TUSC3: variants seen among roughly 807,000 people sequenced by gnomAD.
The protein encoded by TUSC3 is tumor suppressor candidate 3.
TUSC3 carries 45 observed loss-of-function variants against 44.8 expected under a neutral mutation model. The ratio of observed to expected loss-of-function variants is 1.00; its 90% CI spans 0.79 to 1.29. TUSC3 has a LOEUF of 1.29. TUSC3 is among the 50% of genes most tolerant of loss of function. The pLI is 0.00. For synonymous variants in TUSC3, 212 were observed against 152.9 expected (o/e 1.39, Z -2.85); for missense variants, 519 against 437.9 (o/e 1.19, Z -1.65).
intron 1 of TUSC3, among the ~76,000 whole-genome samples, chr8:15,584,702 T>G: frequency 6.7e-6 from 1 of 150,106 alleles, no homozygotes; most frequent in Non-Finnish European, 1.5e-5. Flanking sequence ...TGTGTATGGG[T>G]GGGGGTGGTG....
At chr8:15,789,049 T>C in the TUSC3 span, among the ~76,000 whole-genome samples, 15,293 of 152,268 alleles carry the variant, frequency 0.1, 1,109 homozygotes, top group African/African-American at 0.2. Flanking sequence ...TTAAAAGCTC[T>C]TGCCATTTCA....
At chr8:15,787,874 T>C in the TUSC3 span, among the ~76,000 whole-genome samples, 1 of 152,332 alleles carries the variant, frequency 6.6e-6, no homozygotes, top group South Asian at 2.1e-4. Flanking sequence ...ACAAGCCCAG[T>C]ATTTATTAAG....
At chr8:15,478,655 C>T (rs1449776387) in intron 1 of TUSC3, among the ~76,000 whole-genome samples, 1 of 152,128 alleles carries the variant, frequency 6.6e-6, no homozygotes, top group Non-Finnish European at 1.5e-5. Context: ...TATATCCCTA[C>T]CACATTTTCT....
chr8:15,421,933 A>G (rs1563246640), intron 1 of TUSC3, among the ~76,000 whole-genome samples: 1 of 152,162 alleles, frequency 6.6e-6, no homozygotes, highest in Non-Finnish European at 1.5e-5. Context: ...TTTCTTTTAA[A>G]AAATCACTGC....
At position 15,465,200 on chromosome 8, in the gene TUSC3, T is replaced by G. The variant is rs530211404; in HGVS notation, n.92-18186T>G. ...AGAGAGAATTTAAGAAATTTTCCAT[T>G]GCCAAATGTATCATTATTTTGTGTA... On this transcript the variant is annotated intron_variant and non_coding_transcript_variant, in intron 1 of 5. Transcript: ENST00000503191. 2.2e-4 allele frequency among the ~76,000 whole-genome samples: 34 copies of G among 152,306 alleles called. 1 individual carries two copies. The highest frequency in any genetic ancestry group is 4.1e-4 in the South Asian group (2 of 4,832).
chr8:15,569,062 T>G (rs570456752), intron 1 of TUSC3, among the ~76,000 whole-genome samples: 13 of 152,266 alleles, frequency 8.5e-5, no homozygotes, highest in South Asian at 4.1e-4. Flanking sequence ...TTGTTATATA[T>G]TAAATGATCA....
At chr8:15,626,865 G>T (rs1805533280) in intron 2 of TUSC3, among the ~76,000 whole-genome samples, 1 of 152,220 alleles carries the variant, frequency 6.6e-6, no homozygotes, top group Non-Finnish European at 1.5e-5. Context: ...TGGCCTGCAG[G>T]TGCCCCTTGG....
rs539901751 is a variant in TUSC3 at position 15,697,754 on chromosome 8, C to T, written c.798+23918C>T. Among the ~76,000 whole-genome samples, 16 of 152,198 alleles carry T rather than the reference C, an allele frequency of 1.1e-4. No homozygotes were observed. The East Asian group carries it at 2.7e-3, about 26-fold the overall frequency. On this transcript the variant is annotated intron_variant, in intron 6 of 10. Transcript: ENST00000503731. ...TGTATTTGTAAAATGTAAAGGATTT[C>T]GTTTTTGTTGTCCTGTTTTTGGAGT...
the TUSC3 span, among the ~76,000 whole-genome samples, chr8:15,812,627 T>C: frequency 6.6e-6 from 1 of 152,162 alleles, no homozygotes; most frequent in Non-Finnish European, 1.5e-5. Flanking sequence ...AAAAGGCAGC[T>C]TACTGGGGAT....
chr8:15,752,213 A>G (rs1156977065), intron 9 of TUSC3, among the ~76,000 whole-genome samples: 1 of 152,070 alleles, frequency 6.6e-6, no homozygotes, highest in African/African-American at 2.4e-5. Flanking sequence ...ATTTAGACAA[A>G]GGAGAGAGGA....
At chr8:15,813,389 C>CAAAAA in the TUSC3 span, among the ~76,000 whole-genome samples, 1 of 145,124 alleles carries the variant, frequency 6.9e-6, no homozygotes, top group South Asian at 2.2e-4. Context: ...AACAAACAAA[C>CAAAAA]AAAAAAAAAA....
the TUSC3 span, among the ~76,000 whole-genome samples, chr8:15,787,084 T>A: frequency 6.6e-6 from 1 of 151,782 alleles, no homozygotes. Flanking sequence ...TTACCCACCC[T>A]ACCACACTGC....
chr8:15,771,802 A>G, the TUSC3 span, among the ~76,000 whole-genome samples: 1 of 152,104 alleles, frequency 6.6e-6, no homozygotes, highest in African/African-American at 2.4e-5. Context: ...AAAAAAAAGA[A>G]GAAAGGCCGG....
In TUSC3 at chr8:15,692,381, T is replaced by TTTG. The variant is rs1563175880; in HGVS notation, c.798+18547_798+18548insGTT. On this transcript the variant is annotated intron_variant, in intron 6 of 10. Coordinates refer to ENST00000503731, the MANE Select transcript of TUSC3 (RefSeq NM_006765.4). ...GACCCCCCCCCCCCCCTTTGTTTTT[T>TTTG]TTTTTTTTTTTTTTTTTTGCAATAG... Among the ~76,000 whole-genome samples the TTTG allele has an allele frequency of 1.7e-3, 219 of 129,134 alleles. 3 individuals carry two copies. Among genetic ancestry groups the TTTG allele is most frequent in the African/African-American group, 6.0e-3 (211 of 35,158 alleles). 84.7% of individuals were successfully genotyped at this position (129,134 alleles called of 152,430 possible). A position where few individuals can be genotyped will look rare whatever the true frequency, so the allele number is the denominator to read the frequency against.
At chr8:15,787,130 A>C in the TUSC3 span, among the ~76,000 whole-genome samples, 6 of 152,020 alleles carry the variant, frequency 3.9e-5, no homozygotes, top group African/African-American at 1.5e-4. Flanking sequence ...CTCTGGGTAA[A>C]ATCAGGCTGC....
chr8:15,846,661 T>C, the TUSC3 span, among the ~76,000 whole-genome samples: 13 of 150,836 alleles, frequency 8.6e-5, no homozygotes, highest in African/African-American at 3.2e-4. Flanking sequence ...AATTGAGGAG[T>C]TGAACAATGA....
the TUSC3 span, among the ~76,000 whole-genome samples, chr8:15,850,209 C>A: frequency 6.6e-6 from 1 of 151,472 alleles, no homozygotes; most frequent in Non-Finnish European, 1.5e-5. Flanking sequence ...TGCTCTAAGA[C>A]TATGAACATA....
At chr8:15,639,802 C>T (rs1278940858) in intron 2 of TUSC3, among the ~76,000 whole-genome samples, 1 of 144,358 alleles carries the variant, frequency 6.9e-6, no homozygotes, top group African/African-American at 2.5e-5. Context: ...TTTTTGGACC[C>T]ATGAGGATGA....
At chr8:15,670,864 A>G (rs1319735892) in intron 5 of TUSC3, among the ~76,000 whole-genome samples, 1 of 151,952 alleles carries the variant, frequency 6.6e-6, no homozygotes, top group African/African-American at 2.4e-5. Flanking sequence ...GAAATTTTAA[A>G]AGAGGTAAAT....
Sources: allele counts gnomAD v4.1 joint callset (sites outside exome capture counted in the v4.1 genomes callset), GRCh38; gene constraint gnomAD v4.1.1; transcripts MANE v1.5; gene names NCBI Gene and HGNC (gene_info 2026-07-23, HGNC 2026-07-21).